Variants in CHRM2 observed in about 807,000 individuals in gnomAD.
CHRM2 encodes muscarinic acetylcholine receptor M2.
CHRM2 carries 8 observed loss-of-function variants against 25.0 expected under a neutral mutation model. The ratio of observed to expected loss-of-function variants is 0.32; its 90% confidence interval spans 0.19 to 0.58. The LOEUF is 0.58. CHRM2 is among the 20% of genes least tolerant of loss of function. The pLI is 0.88. For missense variants in CHRM2, 440 were observed against 567.1 expected (o/e 0.78, Z 2.28); for synonymous variants, 202 against 205.7 (o/e 0.98, Z 0.15).
intron 2 of CHRM2, among the ~76,000 whole-genome samples, chr7:136,872,826 T>A (rs1795892674): frequency 6.6e-6 from 1 of 152,170 alleles, no homozygotes; most frequent in Non-Finnish European, 1.5e-5. Context: ...AGGACAAGAA[T>A]CTGTAGGTAT....
intron 2 of CHRM2, among the ~76,000 whole-genome samples, chr7:136,991,440 T>C (rs1261663008): frequency 6.6e-6 from 1 of 152,148 alleles, no homozygotes; most frequent in Non-Finnish European, 1.5e-5. Context: ...ATGAGTTGAC[T>C]ATATTCATGT....
At chr7:136,955,570 T>C (rs555538248) in intron 2 of CHRM2, among the ~76,000 whole-genome samples, 1 of 152,340 alleles carries the variant, frequency 6.6e-6, no homozygotes, top group Admixed American at 6.5e-5. Context: ...ATAGTCCAGC[T>C]TGGCCATTCA....
intron 2 of CHRM2, among the ~76,000 whole-genome samples, chr7:136,930,703 G>C (rs564112808): frequency 2.6e-5 from 4 of 151,796 alleles, no homozygotes; most frequent in African/African-American, 7.2e-5. Context: ...CGAGACCATC[G>C]TGGTTAACAC....
chr7:136,965,906 A>G (rs1563095256), intron 2 of CHRM2, among the ~76,000 whole-genome samples: 1 of 152,052 alleles, frequency 6.6e-6, no homozygotes, highest in Non-Finnish European at 1.5e-5. Context: ...ACAAAAAAAA[A>G]GAAAGCCAAG....
At chr7:136,979,191 C>T (rs1802312060) in intron 2 of CHRM2, among the ~76,000 whole-genome samples, 1 of 152,194 alleles carries the variant, frequency 6.6e-6, no homozygotes, top group African/African-American at 2.4e-5. Flanking sequence ...TTGCATTTCT[C>T]TAATGACATG....
chr7:136,964,266 A>G (rs1801277446), intron 2 of CHRM2, among the ~76,000 whole-genome samples: 2 of 152,140 alleles, frequency 1.3e-5, no homozygotes, highest in Non-Finnish European at 2.9e-5. Flanking sequence ...AATAACTTTT[A>G]TATACAACAC....
At position 136,930,927 on chromosome 7, in the gene CHRM2, A is replaced by AAAAG. The variant is rs1290104978; in HGVS notation, c.-124-61260_-124-61259insAAAG. On this transcript the variant is annotated intron_variant, in intron 2 of 3. Transcript: ENST00000680005. ...AAAAAAAAAAAAAAAAAAAAAAAAA[A>AAAAG]GGATAGAAAGATCCTTACCACATAT... is the stretch of plus-strand genomic sequence containing the variant. 1.4e-4 allele frequency among the ~76,000 whole-genome samples: 19 copies of AAAAG among 138,656 alleles called. 1 individual carries two copies. Among genetic ancestry groups the AAAAG allele is most frequent in the African/African-American group, 4.7e-4 (17 of 35,850 alleles). 91.0% of individuals were successfully genotyped at this position (138,656 alleles called of 152,430 possible). A position where few individuals can be genotyped will look rare whatever the true frequency, so the allele number is the denominator to read the frequency against.
intron 2 of CHRM2, among the ~76,000 whole-genome samples, chr7:136,965,849 G>A (rs757274616): frequency 6.6e-6 from 1 of 151,836 alleles, no homozygotes; most frequent in Non-Finnish European, 1.5e-5. Context: ...GGAATAATTA[G>A]AATAGTATTT....
intron 2 of CHRM2, among the ~76,000 whole-genome samples, chr7:136,909,455 G>A (rs1259550456): frequency 2.0e-5 from 3 of 151,890 alleles, no homozygotes; most frequent in African/African-American, 7.2e-5. Flanking sequence ...CATGAGTTAG[G>A]TAATAATTTT....
chr7:136,928,671 C>T (rs1037129105), intron 2 of CHRM2, among the ~76,000 whole-genome samples: 2 of 152,014 alleles, frequency 1.3e-5, no homozygotes, highest in African/African-American at 2.4e-5. Flanking sequence ...ATTTCAAGAC[C>T]GTAGCGCAAA....
chr7:136,880,988 T>C (rs144875844), intron 2 of CHRM2, among the ~76,000 whole-genome samples: 3 of 151,632 alleles, frequency 2.0e-5, no homozygotes, highest in African/African-American at 7.3e-5. Context: ...TTCATTTAAC[T>C]TTTACATAAG....
intron 2 of CHRM2, among the ~76,000 whole-genome samples, chr7:136,909,620 A>G (rs1385599506): frequency 6.6e-6 from 1 of 151,906 alleles, no homozygotes; most frequent in Non-Finnish European, 1.5e-5. Context: ...TCCCAAGAAG[A>G]CGTGCTGTAT....
intron 2 of CHRM2, among the ~76,000 whole-genome samples, chr7:136,924,473 G>A (rs1026784217): frequency 6.7e-6 from 1 of 148,990 alleles, no homozygotes; most frequent in African/African-American, 2.5e-5. Context: ...TTGGTTTTTT[G>A]TCTTTGTGAT....
intron 2 of CHRM2, among the ~76,000 whole-genome samples, chr7:136,886,960 T>C (rs10242108): frequency 0.56 from 85,470 of 152,126 alleles, 24,309 homozygotes; most frequent in African/African-American, 0.59. Context: ...GGTTTCAGAA[T>C]GTATGTCCAC....
At chr7:136,993,194 G>A (rs1035415072) in intron 3 of CHRM2, among the ~76,000 whole-genome samples, 24 of 152,104 alleles carry the variant, frequency 1.6e-4, no homozygotes, top group Admixed American at 1.0e-3. Context: ...TCTTCACACA[G>A]ACACATACAG....
chr7:136,927,452 A>G (rs1798812133), intron 2 of CHRM2, among the ~76,000 whole-genome samples: 1 of 152,084 alleles, frequency 6.6e-6, no homozygotes, highest in Non-Finnish European at 1.5e-5. Flanking sequence ...TTTAAATGCT[A>G]ACATTTGTTT....
intron 3 of CHRM2, among the ~76,000 whole-genome samples, chr7:136,994,599 C>T (rs576620970): frequency 2.2e-5 from 3 of 134,014 alleles, no homozygotes; most frequent in South Asian, 2.4e-4. Context: ...GGCACGATCT[C>T]GGCTCACCGC....
chr7:136,901,152 C>T (rs1708363270), intron 2 of CHRM2, among the ~76,000 whole-genome samples: 1 of 151,950 alleles, frequency 6.6e-6, no homozygotes, highest in Non-Finnish European at 1.5e-5. Context: ...GTGTGGGCAC[C>T]CCCAAAGTGG....
intron 2 of CHRM2, among the ~76,000 whole-genome samples, chr7:136,967,503 C>G (rs1801492904): frequency 6.6e-6 from 1 of 151,866 alleles, no homozygotes; most frequent in South Asian, 2.1e-4. Flanking sequence ...ATTGACTAAC[C>G]AAGTAGAGGA....
Sources: allele counts gnomAD v4.1 joint callset (sites outside exome capture counted in the v4.1 genomes callset), GRCh38; gene constraint gnomAD v4.1.1; transcripts MANE v1.5; gene names NCBI Gene and HGNC (gene_info 2026-07-23, HGNC 2026-07-21).